SLC34A3: variants seen among roughly 807,000 people sequenced by gnomAD.
SLC34A3 encodes the protein sodium-dependent phosphate transport protein 2C.
SLC34A3 carries 60 observed loss-of-function variants against 43.9 expected under a neutral mutation model. The ratio of observed to expected loss-of-function variants is 1.37; its 90% confidence interval spans 1.11 to 1.70. The LOEUF is 1.70. Among genes scored for constraint, SLC34A3 ranks in the 40% most tolerant of loss-of-function variants. SLC34A3 has a pLI of 0.00. For synonymous variants in SLC34A3, 451 were observed against 386.2 expected (o/e 1.17, Z -1.97); for missense variants, 969 against 823.8 (o/e 1.18, Z -2.16).
chr9:137,232,846 G>C lies in SLC34A3; in HGVS notation c.367G>C (p.Val123Leu), dbSNP rs1317381289. 1.2e-6 allele frequency: 2 copies of C among 1,612,880 alleles called. No individual in the cohort carries two copies. The highest frequency in any genetic ancestry group is 1.7e-6 in the Non-Finnish European group (2 of 1,179,934). Residue 123 changes from valine (V) to leucine (L), a missense_variant, in exon 5 of 13, where the codon GTC (valine) becomes CTC (leucine). Val to Leu is a conservative substitution (Grantham distance 32). Coordinates refer to ENST00000673835, the MANE Select transcript of SLC34A3 (RefSeq NM_001177316.2). ...VVLSNPVAGL[V>L]IGVLVTALVQ... ...GCTGTCCAACCCTGTGGCTGGACTG[G>C]TCATTGGCGTGCTGGTCACAGCCCT...
At chr9:137,233,825 C>T (rs1836398865) in intron 8 of SLC34A3, 38 bp from the exon 9 acceptor site, 1 of 1,276,792 alleles carries the variant, frequency 7.8e-7, no homozygotes, top group Non-Finnish European at 1.1e-6. Flanking sequence ...CTCTGTCTGC[C>T]CACTGAGCCT....
At chr9:137,232,477 T>C in intron 3 of SLC34A3, 98 bp from the exon 4 acceptor site, 1 of 1,532,280 alleles carries the variant, frequency 6.5e-7, no homozygotes, top group Middle Eastern at 2.0e-4. Context: ...CCAGCCCTGT[T>C]GGAGACAGAG....
chr9:137,231,799 C>T lies in SLC34A3; in HGVS notation c.85+12C>T, dbSNP rs1436631446. The T allele has an allele frequency of 3.1e-6, 5 of 1,611,116 alleles. No individual in the cohort carries two copies. Among genetic ancestry groups the T allele is most frequent in the Non-Finnish European group, 3.4e-6 (4 of 1,178,194 alleles). Reference sequence around the variant, plus strand: ...TCTGAGGAATGAAGGTACCAGTGGCCCCTGTGCCCCAGGCCTTCACCAGTC... The same window carrying T: ...TCTGAGGAATGAAGGTACCAGTGGCTCCTGTGCCCCAGGCCTTCACCAGTC... On this transcript the variant is annotated intron_variant, in intron 2 of 12. Transcript: ENST00000673835.
At position 137,235,328 on chromosome 9, in the gene SLC34A3, C is replaced by T. The variant is rs73565732; in HGVS notation, c.1335+597C>T. 9.0e-3 allele frequency among the ~76,000 whole-genome samples: 1,364 copies of T among 152,312 alleles called. 21 individuals are homozygous for T. The highest frequency in any genetic ancestry group is 0.032 in the African/African-American group (1,318 of 41,546). The stretch of plus-strand genomic sequence containing the variant: ...CTGCTGCCCGGAGGCCCAACAGGTT[C>T]AGCTCCCGAAACTCCGGGTCATGCT... On this transcript the variant is annotated intron_variant, in intron 12 of 12. Coordinates refer to ENST00000673835, the MANE Select transcript of SLC34A3 (RefSeq NM_001177316.2).
At chr9:137,232,252 A>C in intron 3 of SLC34A3, 91 bp downstream of exon 3, 2 of 1,279,304 alleles carry the variant, frequency 1.6e-6, no homozygotes, top group Non-Finnish European at 2.3e-6. Flanking sequence ...CTGCCCAAAC[A>C]GGCTGTGTGT....
chr9:137,234,284 C>T lies in SLC34A3; in HGVS notation c.1093+8C>T, dbSNP rs201986644. ...GGACAGTCATCAATGCGGGTGAGGG[C>T]GTGGGAGGAGGTGCGGTGGCCAGGG... On this transcript the variant is annotated splice_region_variant and intron_variant, in intron 10 of 12. Transcript: ENST00000673835. The surrounding 1 kb of genome is among the most constrained non-coding windows in gnomAD (Gnocchi z 6.9). 3.0e-4 allele frequency: 479 copies of T among 1,609,948 alleles called. 3 individuals carry two copies. In the East Asian group the frequency reaches 9.8e-3, roughly 33 times the overall value.
At chr9:137,231,882 C>T (rs780487574) in intron 2 of SLC34A3, 95 bp downstream of exon 2, 11 of 1,253,944 alleles carry the variant, frequency 8.8e-6, no homozygotes, top group South Asian at 2.4e-5. Flanking sequence ...GCGGGCCTCC[C>T]GGGGAACCCA....
chr9:137,232,748 C>T lies in SLC34A3; in HGVS notation c.305-36C>T, dbSNP rs372061694. The T allele has an allele frequency of 9.9e-6, 16 of 1,612,824 alleles. No homozygotes were observed. The African/African-American group carries it at 2.0e-4, about 20-fold the overall frequency. Reference sequence around the variant, plus strand: ...CCCAGGGCGGGGCGGGCAACCAGCCCTCCGCAGCTTCAGCGCACCTCTCTT... The same window carrying T: ...CCCAGGGCGGGGCGGGCAACCAGCCTTCCGCAGCTTCAGCGCACCTCTCTT... On this transcript the variant is annotated intron_variant, in intron 4 of 12. Coordinates refer to ENST00000673835, the MANE Select transcript of SLC34A3 (RefSeq NM_001177316.2).
At chr9:137,235,284 A>G (rs1836521143) in intron 12 of SLC34A3, among the ~76,000 whole-genome samples, 2 of 152,004 alleles carry the variant, frequency 1.3e-5, no homozygotes, top group African/African-American at 4.8e-5. Flanking sequence ...TTCTCCCTCT[A>G]AAACAGCCCG....
At chr9:137,231,397 C>G (rs1564414820) in intron 1 of SLC34A3, among the ~76,000 whole-genome samples, 1 of 152,192 alleles carries the variant, frequency 6.6e-6, no homozygotes, top group African/African-American at 2.4e-5. Flanking sequence ...GCCTTCCAGT[C>G]AGGACCAGCA....
At chr9:137,233,788 A>ACCCCC in intron 8 of SLC34A3, 66 bp downstream of exon 8, 1 of 343,816 alleles carries the variant, frequency 2.9e-6, no homozygotes, top group South Asian at 2.8e-5. Flanking sequence ...ATCCCGCCCC[A>ACCCCC]CCCACCCTCA....
upstream of SLC34A3, among the ~76,000 whole-genome samples, chr9:137,230,206 G>A (rs373289583): frequency 3.3e-5 from 5 of 152,138 alleles, no homozygotes; most frequent in African/African-American, 9.7e-5. Flanking sequence ...CTGGGACTCC[G>A]CTGGGGAGAA....
intron 5 of SLC34A3, 30 bp from the exon 6 acceptor site, chr9:137,232,974 C>T (rs1327810726): frequency 1.9e-6 from 3 of 1,607,994 alleles, no homozygotes; most frequent in African/African-American, 1.3e-5. Context: ...CAGGGTGGGC[C>T]GCAGGCTGAC....
rs777628572 is a variant in SLC34A3 at position 137,231,652 on chromosome 9, C to CA, written c.-39-12_-39-11insA. The CA allele has an allele frequency of 8.4e-6, 12 of 1,422,224 alleles. No individual in the cohort carries two copies. The Admixed American group carries it at 1.8e-4, about 22-fold the overall frequency. The allele number at this position is 1,422,224 out of a possible 1,614,324, so 88.1% of individuals were successfully genotyped here. A position where few individuals can be genotyped will look rare whatever the true frequency, so the allele number is the denominator to read the frequency against. On this transcript the variant is annotated splice_polypyrimidine_tract_variant and intron_variant, in intron 1 of 12. Coordinates refer to ENST00000673835, the MANE Select transcript of SLC34A3 (RefSeq NM_001177316.2). ...GAGGAAATGTCTCTGACACGCGCGT[C>CA]CCCCCCAGCAGATCTAGACCTGGGC...
At position 137,233,071 on chromosome 9, in the gene SLC34A3, C is replaced by T. The variant is rs387907513; in HGVS notation, c.516C>T (p.Thr172=). 2 of 1,611,270 alleles carry T rather than the reference C, an allele frequency of 1.2e-6. No individual in the cohort carries two copies. Among genetic ancestry groups the T allele is most frequent in the Non-Finnish European group, 1.7e-6 (2 of 1,179,730 alleles). Residue 172 remains threonine, a synonymous_variant, in exon 6 of 13, where the codon ACC becomes ACT. Coordinates refer to ENST00000673835, the MANE Select transcript of SLC34A3 (RefSeq NM_001177316.2). ...GVNVGTSITS[T]LVSMAQSGDR... ...ACGTAGGCACATCCATCACCAGCAC[C>T]CTGGTCTCAATGGCGCAGTCAGGGG...
chr9:137,230,285 G>A (rs1228984852), upstream of SLC34A3, among the ~76,000 whole-genome samples: 1 of 152,162 alleles, frequency 6.6e-6, no homozygotes, highest in East Asian at 1.9e-4. Flanking sequence ...TCTGCAGATG[G>A]AGGCTGCCGG....
In SLC34A3 at chr9:137,232,915, G is replaced by C; in HGVS notation, c.436G>C (p.Val146Leu). 5 of 1,608,320 alleles carry C rather than the reference G, an allele frequency of 3.1e-6. No individual in the cohort carries two copies. Among genetic ancestry groups the C allele is most frequent in the Non-Finnish European group, 4.2e-6 (5 of 1,177,806 alleles). The stretch of plus-strand genomic sequence containing the variant: ...GTCCTCCTCCATCGTGGTCAGCATG[G>C]TGGCTGCTAAGCGTGGGTGCACACT... Reference protein sequence around the residue: ...STSSSIVVSMVAAKLLTVRVS... With the variant: ...STSSSIVVSMLAAKLLTVRVS... Residue 146 changes from valine to leucine, a missense_variant, in exon 5 of 13, where the codon GTG becomes CTG. Coordinates refer to ENST00000673835, the MANE Select transcript of SLC34A3 (RefSeq NM_001177316.2).
rs1295471369 is a variant in SLC34A3, at chr9:137,233,250, T to A, written c.602T>A (p.Leu201His). The change falls in exon 7 of 13, where the codon CTC becomes CAC. Residue 201 changes from leucine (L) to histidine (H), a missense_variant. Physicochemically the swap from Leu to His is moderately conservative, Grantham distance 99 (BLOSUM62 -3). Transcript: ENST00000673835. ...GSAVHGIFNW[L>H]TVLVLLPLES... ...GCGGTGCACGGGATCTTCAACTGGC[T>A]CACAGTGCTGGTCCTGCTGCCACTG... is the stretch of plus-strand genomic sequence containing the variant. 6.3e-7 allele frequency: 1 copy of A among 1,579,020 alleles called. No individual in the cohort carries two copies. The highest frequency in any genetic ancestry group is 8.6e-7 in the Non-Finnish European group (1 of 1,162,570).
Position 137,234,400 on chromosome 9 carries a change from C to T in SLC34A3, c.1094-16C>T. On this transcript the variant is annotated splice_polypyrimidine_tract_variant and intron_variant, in intron 10 of 12. Transcript: ENST00000673835. The surrounding 1 kb of genome is among the most constrained non-coding windows in gnomAD (Gnocchi z 6.9). ...CTTGTGGGCGCTGGCCAGGGCTGAC[C>T]CGGCATCCCCCACAGACTTCCCCTT... The T allele has an allele frequency of 1.3e-6, 2 of 1,596,736 alleles. No individual in the cohort carries two copies. Among genetic ancestry groups the T allele is most frequent in the Admixed American group, 1.7e-5 (1 of 59,874 alleles).
Sources: allele counts gnomAD v4.1 joint callset (sites outside exome capture counted in the v4.1 genomes callset), GRCh38; gene constraint gnomAD v4.1.1; non-coding constraint Gnocchi (gnomAD v3.1); transcripts MANE v1.5; gene names NCBI Gene and HGNC (gene_info 2026-07-23, HGNC 2026-07-21).